The following DISC1 variants were observed in gnomAD, a reference collection of about 807,000 sequenced individuals.
DISC1 encodes the protein disrupted in schizophrenia 1 protein.
Under a neutral mutation model 84.5 loss-of-function variants are expected in DISC1, and 57 were observed. The ratio of observed to expected loss-of-function variants is 0.67; its 90% CI spans 0.55 to 0.84. The LOEUF is 0.84. Among genes scored for constraint, DISC1 ranks in the 40% least tolerant of loss-of-function variants. The pLI, the probability that DISC1 is intolerant of heterozygous loss-of-function variation, is 0.00. For missense variants in DISC1, 1,000 were observed against 1,057.8 expected, an observed-to-expected ratio of 0.95 and a Z score of 0.76; for synonymous variants, 411 against 415.2, an observed-to-expected ratio of 0.99 and a Z score of 0.12.
chr1:231,697,543 G>A lies in DISC1; in HGVS notation c.1047+2738G>A, dbSNP rs141587059. On this transcript the variant is annotated intron_variant, in intron 2 of 12. Coordinates refer to ENST00000439617, the MANE Select transcript of DISC1 (RefSeq NM_018662.3). ...CAACCTTGAACTCCTGGGCTCAAGC[G>A]ATTCTCTTGCCTCAGCCTCCCTAGT... 2.3e-3 allele frequency among the ~76,000 whole-genome samples: 354 copies of A among 151,790 alleles called. 3 individuals are homozygous for A. The highest frequency in any genetic ancestry group is 8.3e-3 in the African/African-American group (344 of 41,360).
chr1:231,864,389 C>T (rs944735979), intron 9 of DISC1, among the ~76,000 whole-genome samples: 4 of 152,108 alleles, frequency 2.6e-5, no homozygotes, highest in African/African-American at 4.8e-5. Flanking sequence ...GTGGGCCGGG[C>T]GCAGTGGCTC....
At chr1:231,846,465 G>A (rs1176903096) in intron 9 of DISC1, among the ~76,000 whole-genome samples, 2 of 152,140 alleles carry the variant, frequency 1.3e-5, no homozygotes, top group South Asian at 2.1e-4. Flanking sequence ...AGTTAAAGGT[G>A]GAAAAAGAGT....
intron 3 of DISC1, among the ~76,000 whole-genome samples, chr1:231,741,949 C>A (rs1015099687): frequency 2.0e-5 from 3 of 152,182 alleles, no homozygotes; most frequent in South Asian, 2.1e-4. Flanking sequence ...GGGCTCTGCT[C>A]TTTTACAATG....
intron 9 of DISC1, among the ~76,000 whole-genome samples, chr1:231,898,121 G>A (rs1346200062): frequency 1.3e-5 from 2 of 152,190 alleles, no homozygotes; most frequent in African/African-American, 4.8e-5. Flanking sequence ...ACAGGAGTGT[G>A]AGCAGAGAGT....
At chr1:232,019,946 G>A (rs916212707) in intron 11 of DISC1, among the ~76,000 whole-genome samples, 1 of 152,122 alleles carries the variant, frequency 6.6e-6, no homozygotes, top group Non-Finnish European at 1.5e-5. Context: ...CAGGAATTGA[G>A]ACTTTGCAGA....
intron 9 of DISC1, among the ~76,000 whole-genome samples, chr1:231,937,474 CT>C (rs1000593630): frequency 5.5e-4 from 84 of 152,332 alleles, no homozygotes; most frequent in African/African-American, 1.9e-3. Flanking sequence ...GCACACAGAG[CT>C]TTCATTTTAT....
chr1:231,812,647 T>A (rs1356532147), intron 8 of DISC1, among the ~76,000 whole-genome samples: 1 of 152,142 alleles, frequency 6.6e-6, no homozygotes, highest in Non-Finnish European at 1.5e-5. Flanking sequence ...GGCACAGGCA[T>A]ATTGGGATGC....
chr1:231,714,894 T>G (rs1178777025), intron 3 of DISC1, among the ~76,000 whole-genome samples: 5 of 152,240 alleles, frequency 3.3e-5, no homozygotes, highest in Non-Finnish European at 7.3e-5. Context: ...TCATCAAAGT[T>G]GTCCCATCTT....
At chr1:231,832,744 T>G (rs901819355) in intron 9 of DISC1, among the ~76,000 whole-genome samples, 1 of 145,108 alleles carries the variant, frequency 6.9e-6, no homozygotes, top group Non-Finnish European at 1.5e-5. Flanking sequence ...GATAGGAGAG[T>G]ATATGGGTTT....
chr1:231,632,813 G>T (rs191681651), intron 1 of DISC1, among the ~76,000 whole-genome samples: 1 of 152,152 alleles, frequency 6.6e-6, no homozygotes, highest in Admixed American at 6.5e-5. Flanking sequence ...GCTCATGCCT[G>T]TAATTCCAGC....
At chr1:231,637,303 C>T (rs1026554215) in intron 1 of DISC1, among the ~76,000 whole-genome samples, 6 of 152,146 alleles carry the variant, frequency 3.9e-5, no homozygotes, top group African/African-American at 1.4e-4. Context: ...GATTTACAAG[C>T]CTTTGGGTAT....
intron 9 of DISC1, among the ~76,000 whole-genome samples, chr1:231,949,653 A>G (rs2126154740): frequency 6.6e-6 from 1 of 152,262 alleles, no homozygotes; most frequent in South Asian, 2.1e-4. Flanking sequence ...CGGGGGCGCC[A>G]TCCTTGGCCA....
rs1853322 is a variant in DISC1, at chr1:231,892,983, G to A, written c.1982-65845G>A. Among the ~76,000 whole-genome samples, 810 of 152,174 alleles carry A rather than the reference G, an allele frequency of 5.3e-3. 10 individuals are homozygous for A. Among genetic ancestry groups the A allele is most frequent in the African/African-American group, 0.018 (730 of 41,516 alleles). On this transcript the variant is annotated intron_variant, in intron 9 of 12. Transcript: ENST00000439617. ...TCAAGACTAGCCTGGCCAAAATGGC[G>A]AAACCCTATCTCTACTAAAAAATAC...
In DISC1 at chr1:231,694,898, C is replaced by T. The variant is rs1464018419; in HGVS notation, c.1047+93C>T. ...AGGAAACGAGGGGTTCTGGGCTCAA[C>T]TGACTTCCTCCTGGAAGCTGCAGCA... On this transcript the variant is annotated intron_variant, in intron 2 of 12. Coordinates refer to ENST00000439617, the MANE Select transcript of DISC1 (RefSeq NM_018662.3). The T allele has an allele frequency of 6.5e-6, 10 of 1,541,082 alleles. No homozygotes were observed. The South Asian group carries it at 9.5e-5, about 15-fold the overall frequency.
At chr1:231,802,550 G>C (rs959263196) in intron 8 of DISC1, among the ~76,000 whole-genome samples, 4 of 152,112 alleles carry the variant, frequency 2.6e-5, no homozygotes, top group Admixed American at 2.0e-4. Flanking sequence ...TTTGATCTAT[G>C]GCCTGAGGTC....
intron 10 of DISC1, among the ~76,000 whole-genome samples, chr1:231,969,141 C>G (rs908794284): frequency 6.7e-6 from 1 of 148,776 alleles, no homozygotes; most frequent in African/African-American, 2.5e-5. Context: ...CTAATACCCT[C>G]CATTAAGGAT....
intron 3 of DISC1, among the ~76,000 whole-genome samples, chr1:231,745,859 G>A (rs1220463128): frequency 1.3e-5 from 2 of 152,160 alleles, no homozygotes; most frequent in African/African-American, 4.8e-5. Flanking sequence ...GGGTCATGGG[G>A]TGGATCCCTC....
intron 9 of DISC1, among the ~76,000 whole-genome samples, chr1:231,948,833 T>C (rs141957192): frequency 0.015 from 2,204 of 151,808 alleles, 25 homozygotes; most frequent in Non-Finnish European, 0.018. Context: ...GAAGCAGATA[T>C]TCAATCATTT....
At chr1:231,778,055 C>T (rs1264469264) in intron 6 of DISC1, among the ~76,000 whole-genome samples, 1 of 152,088 alleles carries the variant, frequency 6.6e-6, no homozygotes, top group Non-Finnish European at 1.5e-5. Context: ...GGTCTGTGGG[C>T]CCAAGGAAAA....
Sources: gnomAD v4.1 joint callset for allele counts (sites outside exome capture counted in the v4.1 genomes callset) on GRCh38, gnomAD v4.1.1 for gene constraint, MANE v1.5 for transcripts, NCBI Gene and HGNC (gene_info 2026-07-23, HGNC 2026-07-21) for gene names.